NSMCE4A: variants seen among roughly 807,000 people sequenced by gnomAD.
NSMCE4A encodes NSE4A component of SMC5/6 complex, also known as non-structural maintenance of chromosomes element 4 homolog A.
NSMCE4A carries 40 observed loss-of-function variants against 47.9 expected under a neutral mutation model. The observed-to-expected ratio is 0.83, with a 90% confidence interval of 0.65 to 1.09. The LOEUF is 1.09. Among genes scored for constraint, NSMCE4A ranks in the 50% least tolerant of loss-of-function variants. The pLI, the probability that NSMCE4A is intolerant of heterozygous loss-of-function variation, is 0.00. For synonymous variants in NSMCE4A, 166 were observed against 178.5 expected (o/e 0.93, Z 0.56); for missense variants, 500 against 507.0 (o/e 0.99, Z 0.13).
Position 121,959,429 on chromosome 10 carries a change from C to T in NSMCE4A, c.1084-19G>A. ...CAATCTCCTGGCAGACAATAATGAA[C>T]ATTTAGGCACTGGGCTTACTGCAAG... On this transcript the variant is annotated intron_variant, in intron 9 of 10. Transcript: ENST00000369023. 6.2e-7 allele frequency: 1 copy of T among 1,613,900 alleles called. No homozygotes were observed. Among genetic ancestry groups the T allele is most frequent in the Admixed American group, 1.7e-5 (1 of 60,010 alleles).
intron 4 of NSMCE4A, chr10:121,966,825 G>A (rs1456337692): frequency 6.6e-6 from 1 of 152,072 alleles, no homozygotes; most frequent in Non-Finnish European, 1.5e-5. Context: ...TTTCTCCATA[G>A]GACCATGCCA....
chr10:121,965,212 A>G (rs1952584304), intron 5 of NSMCE4A, 74 bp downstream of exon 5: 1 of 1,081,788 alleles, frequency 9.2e-7, no homozygotes, highest in Non-Finnish European at 1.4e-6. Flanking sequence ...AAAATGGCCA[A>G]ATTGCATGCA....
At chr10:121,968,466 A>G (rs1432466577) in intron 3 of NSMCE4A, among the ~76,000 whole-genome samples, 1 of 152,000 alleles carries the variant, frequency 6.6e-6, no homozygotes, top group Non-Finnish European at 1.5e-5. Context: ...TTTTTTGCCA[A>G]CCTCCTACAA....
intron 3 of NSMCE4A, among the ~76,000 whole-genome samples, chr10:121,969,296 C>CT (rs1334185995): frequency 6.6e-6 from 1 of 152,136 alleles, no homozygotes; most frequent in African/African-American, 2.4e-5. Flanking sequence ...GATCGTGCCA[C>CT]TGCACTCCAG....
intron 2 of NSMCE4A, among the ~76,000 whole-genome samples, chr10:121,973,489 A>T (rs1252000744): frequency 3.3e-5 from 5 of 152,086 alleles, no homozygotes; most frequent in Non-Finnish European, 7.3e-5. Flanking sequence ...GTGCTCTGGG[A>T]TCTCTCTCAC....
At chr10:121,962,575 A>G (rs1952521800) in intron 6 of NSMCE4A, among the ~76,000 whole-genome samples, 1 of 151,862 alleles carries the variant, frequency 6.6e-6, no homozygotes, top group Admixed American at 6.6e-5. Context: ...GTAGCAGAAG[A>G]ATGTGCATAT....
At position 121,960,476 on chromosome 10, in the gene NSMCE4A, A is replaced by G. The variant is rs187695003; in HGVS notation, c.940-70T>C. On this transcript the variant is annotated intron_variant, in intron 7 of 10. Transcript: ENST00000369023. This position sits in a 1 kb window ranked among gnomAD's most constrained non-coding sequence, Gnocchi z 4.2. Reference sequence around the variant, plus strand: ...TCAAACCTATACGCACTAGATGGAAAAAATTACTCAGAAAATTCAGTATCT... The same window carrying G: ...TCAAACCTATACGCACTAGATGGAAGAAATTACTCAGAAAATTCAGTATCT... 29 of 1,110,230 alleles carry G rather than the reference A, an allele frequency of 2.6e-5. No homozygotes were observed. In the African/African-American group the frequency reaches 4.0e-4, roughly 15 times the overall value. 68.8% of individuals were successfully genotyped at this position (1,110,230 alleles called of 1,614,324 possible).
rs1193646813 is a variant in NSMCE4A at position 121,960,393 on chromosome 10, C to A, written c.953G>T (p.Arg318Ile). 4 of 1,503,436 alleles carry A rather than the reference C, an allele frequency of 2.7e-6. No homozygotes were observed. The highest frequency in any genetic ancestry group is 3.5e-6 in the Non-Finnish European group (4 of 1,139,890). 93.1% of individuals were successfully genotyped at this position (1,503,436 alleles called of 1,614,324 possible). ...CAGTCGGTCTTGGTCAAGTCTTATT[C>A]TTGCAAAACCATCCTAAAACGAAAA... The part of the protein sequence containing the change: ...VSFIIRDGFA[R>I]IRLDQDRLPV... The change falls in exon 8 of 11, where the codon AGA (arginine) becomes ATA (isoleucine). Residue 318 changes from arginine (R) to isoleucine (I), a missense_variant. By Grantham distance (97) the Arg-to-Ile change is moderately conservative. Coordinates refer to ENST00000369023, the MANE Select transcript of NSMCE4A (RefSeq NM_017615.3). The surrounding 1 kb of genome is among the most constrained non-coding windows in gnomAD (Gnocchi z 4.2).
At chr10:121,970,476 GAAAAAAAAAAAAA>G (rs57421744) in intron 3 of NSMCE4A, among the ~76,000 whole-genome samples, 5 of 101,904 alleles carry the variant, frequency 4.9e-5, no homozygotes, top group Non-Finnish European at 7.6e-5. Flanking sequence ...TGTCTCAAAG[GAAAAAAAAAAAAA>G]AAAAAAAAAG....
chr10:121,958,584 A>G lies in NSMCE4A; in HGVS notation c.*12+740T>C, dbSNP rs75807066. ...ACAACAACATGGATGAGAGGATTCA[A>G]TATTTCACTTATCTAATTTACCAGT... On this transcript the variant is annotated intron_variant, in intron 10 of 10. Coordinates refer to ENST00000369023, the MANE Select transcript of NSMCE4A (RefSeq NM_017615.3). 6.4e-3 allele frequency among the ~76,000 whole-genome samples: 979 copies of G among 152,274 alleles called. 12 individuals carry two copies. Among genetic ancestry groups the G allele is most frequent in the African/African-American group, 0.022 (916 of 41,554 alleles).
At chr10:121,973,931 A>C in intron 2 of NSMCE4A, 73 bp downstream of exon 2, 1 of 1,039,608 alleles carries the variant, frequency 9.6e-7, no homozygotes, top group East Asian at 2.6e-5. Flanking sequence ...TTTTATGTCA[A>C]TAATTTGGCG....
In NSMCE4A at chr10:121,961,656, C is replaced by A. The variant is rs1303460256; in HGVS notation, c.845-139G>T. ...CAAATCAATCCAACCCTTCTGGAGGCCAATTTGGCATCTCTACTAAAAACA... is the reference window on the plus strand; with the variant it reads ...CAAATCAATCCAACCCTTCTGGAGGACAATTTGGCATCTCTACTAAAAACA... On this transcript the variant is annotated intron_variant, in intron 6 of 10. Transcript: ENST00000369023. The A allele has an allele frequency of 1.5e-5, 8 of 527,358 alleles. No homozygotes were observed. In the South Asian group the frequency reaches 1.8e-4, roughly 12 times the overall value. The allele number at this position is 527,358 out of a possible 1,614,324, so 32.7% of individuals were successfully genotyped here. A position where few individuals can be genotyped will look rare whatever the true frequency, so the allele number is the denominator to read the frequency against.
intron 4 of NSMCE4A, chr10:121,966,686 A>T (rs12261371): frequency 8.6e-5 from 13 of 151,604 alleles, no homozygotes; most frequent in Admixed American, 2.6e-4. Flanking sequence ...AAAAGACAAA[A>T]GCCCAGGAGC....
In NSMCE4A at chr10:121,963,303, T is replaced by C; in HGVS notation, c.779A>G (p.Gln260Arg). The change falls in exon 6 of 11, where the codon CAA becomes CGA. Residue 260 changes from glutamine (Q) to arginine (R), a missense_variant. Gln to Arg is a conservative substitution (Grantham distance 43). Transcript: ENST00000369023. ...TTCTACTTCTTTCTCTGTTGCTTCT[T>C]GATGAGATTCTTCCATTCTTCTTAA... is the stretch of plus-strand genomic sequence containing the variant. Reference protein sequence around the residue: ...AQLRRMEESHQEATEKEVERI... With the variant: ...AQLRRMEESHREATEKEVERI... 1 of 1,610,302 alleles carries C rather than the reference T, an allele frequency of 6.2e-7. No individual in the cohort carries two copies. Among genetic ancestry groups the C allele is most frequent in the Non-Finnish European group, 8.5e-7 (1 of 1,177,278 alleles).
chr10:121,958,575 G>C (rs1034614015), intron 10 of NSMCE4A, among the ~76,000 whole-genome samples: 1 of 152,184 alleles, frequency 6.6e-6, no homozygotes, highest in African/African-American at 2.4e-5. Flanking sequence ...ACATGGATGA[G>C]AGGATTCAAT....
chr10:121,974,857 C>G lies in NSMCE4A; in HGVS notation c.292+17G>C. Reference sequence around the variant, plus strand: ...GCGGCCCGTCCGGGCCCGCGCCGCCCGGAGGCGCCGCCTTACGTTGGACGG... The same window carrying G: ...GCGGCCCGTCCGGGCCCGCGCCGCCGGGAGGCGCCGCCTTACGTTGGACGG... On this transcript the variant is annotated intron_variant, in intron 1 of 10. Transcript: ENST00000369023. 6.9e-7 allele frequency: 1 copy of G among 1,455,620 alleles called. No individual in the cohort carries two copies. The allele number at this position is 1,455,620 out of a possible 1,614,324, so 90.2% of individuals were successfully genotyped here.
intron 10 of NSMCE4A, among the ~76,000 whole-genome samples, chr10:121,958,321 C>T (rs189385475): frequency 1.1e-4 from 17 of 152,184 alleles, no homozygotes; most frequent in Admixed American, 6.5e-4. Context: ...GGGGCATAGC[C>T]GATAGAATCT....
chr10:121,959,358 C>T lies in NSMCE4A; in HGVS notation c.1136G>A (p.Arg379Lys). The change falls in exon 10 of 11, where the codon AGG becomes AAG. Residue 379 changes from arginine (R) to lysine (K), a missense_variant. Arg to Lys is a conservative substitution (Grantham distance 26). Coordinates refer to ENST00000369023, the MANE Select transcript of NSMCE4A (RefSeq NM_017615.3). ...ISEPVITPSQRQQKPSA is the reference protein window; with the variant it reads ...ISEPVITPSQKQQKPSA Reference sequence around the variant, plus strand: ...GCATCAAGCACTTGGCTTCTGCTGCCTCTGACTTGGAGTAATCACAGGCTC... The same window carrying T: ...GCATCAAGCACTTGGCTTCTGCTGCTTCTGACTTGGAGTAATCACAGGCTC... The T allele has an allele frequency of 6.2e-7, 1 of 1,614,240 alleles. No individual in the cohort carries two copies. Among genetic ancestry groups the T allele is most frequent in the South Asian group, 1.1e-5 (1 of 91,084 alleles).
chr10:121,974,007 C>A lies in NSMCE4A; in HGVS notation c.367G>T (p.Glu123Ter). The A allele has an allele frequency of 6.3e-7, 1 of 1,587,458 alleles. No individual in the cohort carries two copies. Among genetic ancestry groups the A allele is most frequent in the South Asian group, 1.1e-5 (1 of 88,686 alleles). ...AACATATAAAATAACAAATTACCTT[C>A]ATTAAACAGAGTGTTAGCCTCTTCA... ...VLEEANTLFN[E>*]VSRAREAVLD... The change falls in exon 2 of 11, where the codon GAA (glutamate) becomes TAA (stop). Residue 123 changes from glutamate to a stop codon, truncating the protein, a stop_gained. Transcript: ENST00000369023. LOFTEE classifies it high-confidence loss of function.
Sources: gnomAD v4.1 joint callset for allele counts (sites outside exome capture counted in the v4.1 genomes callset) on GRCh38, gnomAD v4.1.1 for gene constraint, Gnocchi (gnomAD v3.1) non-coding constraint, MANE v1.5 for transcripts, NCBI Gene and HGNC (gene_info 2026-07-23, HGNC 2026-07-21) for gene names.